The following BHLHE41 variants were observed in gnomAD, a reference collection of about 807,000 sequenced individuals.
The protein encoded by BHLHE41 is basic helix-loop-helix family member e41, also known as class E basic helix-loop-helix protein 41.
A neutral mutation model predicts 24.0 loss-of-function variants in BHLHE41; 14 were observed. That is an observed-to-expected ratio of 0.58 (90% CI 0.39 to 0.91). The LOEUF (loss-of-function observed/expected upper bound fraction) is 0.91. BHLHE41 is among the 40% of genes least tolerant of loss of function. The pLI is 0.00. For missense variants in BHLHE41, 674 were observed against 655.4 expected (o/e 1.03, Z -0.31); for synonymous variants, 394 against 315.5 (o/e 1.25, Z -2.64).
In BHLHE41 at chr12:26,120,996, C is replaced by T. The variant is rs946819251; in HGVS notation, c.*1070G>A. On this transcript the variant is annotated 3_prime_UTR_variant, in exon 5 of 5. Transcript: ENST00000242728. ...TCAAAACTGGCCAGTTAAATGCTTTCGTTCACTTTTGAATTTTAACAGAAT... is the reference window on the plus strand; with the variant it reads ...TCAAAACTGGCCAGTTAAATGCTTTTGTTCACTTTTGAATTTTAACAGAAT... The T allele has an allele frequency of 5.2e-5, 8 of 152,558 alleles. No homozygotes were observed. The highest frequency in any genetic ancestry group is 1.9e-4 in the East Asian group (1 of 5,190). The allele number at this position is 152,558 out of a possible 1,614,324, so 9.5% of individuals were successfully genotyped here.
At position 26,124,702 on chromosome 12, in the gene BHLHE41, G is replaced by A. The variant is rs2137390336; in HGVS notation, c.62+16C>T. Reference sequence around the variant, plus strand: ...CAAAGCCTAGACAGATATTCGCAAGGGTGCGTGCACCTTACCCTATAAAAT... The same window carrying A: ...CAAAGCCTAGACAGATATTCGCAAGAGTGCGTGCACCTTACCCTATAAAAT... On this transcript the variant is annotated intron_variant, in intron 1 of 4. Transcript: ENST00000242728. 6.2e-7 allele frequency: 1 copy of A among 1,614,004 alleles called. No individual in the cohort carries two copies. The highest frequency in any genetic ancestry group is 1.1e-5 in the South Asian group (1 of 91,078).
chr12:26,124,802 C>T lies in BHLHE41; in HGVS notation c.-23G>A. The T allele has an allele frequency of 6.2e-7, 1 of 1,613,932 alleles. No homozygotes were observed. The highest frequency in any genetic ancestry group is 8.5e-7 in the Non-Finnish European group (1 of 1,179,832). ...CATGTTCAACTGCTGTTCGTTTCCT[C>T]TGTTTCGATTTTTGGGGCTCTGTAC... On this transcript the variant is annotated 5_prime_UTR_variant, in exon 1 of 5. Transcript: ENST00000242728.
chr12:26,122,736 GC>G lies in BHLHE41; in HGVS notation c.778del (p.Ala260ArgfsTer21). Reference sequence around the variant, plus strand: ...CTCCTGCTTGATGGTGACGCGGCTCGCCCCCGCGCCTTTGCCTTTCTCGCGG... The same window carrying G: ...CTCCTGCTTGATGGTGACGCGGCTCGCCCCGCGCCTTTGCCTTTCTCGCGG... ...PDREKGKGAGASRVTIKQEPP... is the reference protein window; with the variant it reads ...PDREKGKGAGXSRVTIKQEPP... On this transcript the variant is annotated frameshift_variant, in exon 5 of 5. Transcript: ENST00000242728. LOFTEE classifies it low-confidence loss of function (END_TRUNC). The G allele has an allele frequency of 6.3e-7, 1 of 1,589,670 alleles. No homozygotes were observed.
rs751184193 is a variant in BHLHE41, at chr12:26,124,543, C to T, written c.102G>A (p.Arg34=). 4 of 1,614,116 alleles carry T rather than the reference C, an allele frequency of 2.5e-6. No homozygotes were observed. The highest frequency in any genetic ancestry group is 2.5e-6 in the Non-Finnish European group (3 of 1,180,022). Residue 34 remains arginine, a synonymous_variant, in exon 2 of 5, where the codon AGG becomes AGA. Transcript: ENST00000242728. ...CCTTGGTGTCGTCTCGTTTCATGCT[C>T]CTTTTGGGTTTACACATATACAAAG... ...YSSLYMCKPK[R]SMKRDDTKDT...
intron 2 of BHLHE41, 46 bp from the exon 3 acceptor site, chr12:26,124,225 A>T: frequency 2.4e-6 from 3 of 1,247,316 alleles, no homozygotes; most frequent in Non-Finnish European, 3.5e-6. Context: ...TAAGCGAAAC[A>T]TTCACTTATT....
At position 26,124,570 on chromosome 12, in the gene BHLHE41, G is replaced by T; in HGVS notation, c.75C>A (p.Ser25=). ...TTTTGGGTTTACACATATACAAAGA[G>T]GAATAGTCCAGTCTGCAAAACAGAA... is the stretch of plus-strand genomic sequence containing the variant. ...EHRDFIGLDY[S]SLYMCKPKRS... Residue 25 remains serine, a synonymous_variant, in exon 2 of 5, where the codon TCC becomes TCA. Transcript: ENST00000242728. 3.1e-6 allele frequency: 5 copies of T among 1,614,164 alleles called. No homozygotes were observed. The highest frequency in any genetic ancestry group is 1.3e-5 in the African/African-American group (1 of 75,030).
At position 26,122,081 on chromosome 12, in the gene BHLHE41, T is replaced by A; in HGVS notation, c.1434A>T (p.Gly478=). ...SSAQEDPSQP[G]KEAP is the part of the protein sequence containing the mutation. ...ACGCAAGGATTCAGGGAGCTTCCTT[T>A]CCTGGCTGCGAGGGATCTTCCTGAG... Residue 478 remains glycine, a synonymous_variant, in exon 5 of 5, where the codon GGA becomes GGT. Transcript: ENST00000242728. 6.5e-7 allele frequency: 1 copy of A among 1,549,490 alleles called. No homozygotes were observed. The highest frequency in any genetic ancestry group is 8.7e-7 in the Non-Finnish European group (1 of 1,146,412).
chr12:26,122,714 C>A lies in BHLHE41; in HGVS notation c.801G>T (p.Gln267His), dbSNP rs539462331. ...CCGGCGAGTCCTCCCCGGGAGGCTC[C>A]TGCTTGATGGTGACGCGGCTCGCCC... ...GAGASRVTIK[Q>H]EPPGEDSPAP... Residue 267 changes from glutamine (Q) to histidine (H), a missense_variant, in exon 5 of 5, where the codon CAG becomes CAT. Gln to His is a conservative substitution (Grantham distance 24). Coordinates refer to ENST00000242728, the MANE Select transcript of BHLHE41 (RefSeq NM_030762.3). 3 of 1,586,576 alleles carry A rather than the reference C, an allele frequency of 1.9e-6. No homozygotes were observed. In the African/African-American group the frequency reaches 4.2e-5, roughly 22 times the overall value.
At position 26,122,428 on chromosome 12, in the gene BHLHE41, C is replaced by A; in HGVS notation, c.1087G>T (p.Val363Leu). The A allele has an allele frequency of 7.4e-7, 1 of 1,350,436 alleles. No individual in the cohort carries two copies. The highest frequency in any genetic ancestry group is 9.6e-7 in the Non-Finnish European group (1 of 1,040,764). 83.7% of individuals were successfully genotyped at this position (1,350,436 alleles called of 1,614,324 possible). A position where few individuals can be genotyped will look rare whatever the true frequency, so the allele number is the denominator to read the frequency against. The part of the protein sequence containing the change: ...FLSPSAAAAY[V>L]QPFLDKSGLE... ...CCGCTCTTGTCCAGGAAGGGCTGCA[C>A]GTAGGCGGCAGCTGCAGAAGGCGAG... is the stretch of plus-strand genomic sequence containing the variant. Residue 363 changes from valine to leucine, a missense_variant, in exon 5 of 5, where the codon GTG (valine) becomes TTG (leucine). By Grantham distance (32) the Val-to-Leu change is conservative (BLOSUM62 1). This residue lies in a region of BHLHE41 where 602 missense variants were observed against 570.8 expected (regional missense o/e 1.05). Coordinates refer to ENST00000242728, the MANE Select transcript of BHLHE41 (RefSeq NM_030762.3).
Position 26,124,119 on chromosome 12 carries a change from A to G in BHLHE41, c.187T>C (p.Cys63Arg). 1 of 1,613,280 alleles carries G rather than the reference A, an allele frequency of 6.2e-7. No homozygotes were observed. Among genetic ancestry groups the G allele is most frequent in the Non-Finnish European group, 8.5e-7 (1 of 1,179,260 alleles). Residue 63 changes from cysteine to arginine, a missense_variant, in exon 3 of 5, where the codon TGC becomes CGC. Transcript: ENST00000242728. The part of the protein sequence containing the change: ...EKKRRDRINE[C>R]IAQLKDLLPE... ...AGTAAATCTTTCAGCTGAGCAATGC[A>G]TTCATTAATTCGGTCTCTTCTTTTC...
At position 26,122,272 on chromosome 12, in the gene BHLHE41, G is replaced by C; in HGVS notation, c.1243C>G (p.Leu415Val). The stretch of plus-strand genomic sequence containing the variant: ...GGAGGGGGCGACAACACCGAGGACA[G>C]GCAGGGGAACGCGGCGGCGGCGGCG... ...AAAAAAAFPCLSSVLSPPPEK... is the reference protein window; with the variant it reads ...AAAAAAAFPCVSSVLSPPPEK... The change falls in exon 5 of 5, where the codon CTG becomes GTG. Residue 415 changes from leucine (L) to valine (V), a missense_variant. Physicochemically the swap from Leu to Val is conservative, Grantham distance 32. This residue lies in a region of BHLHE41 where 602 missense variants were observed against 570.8 expected (regional missense o/e 1.05). Transcript: ENST00000242728. The C allele has an allele frequency of 8.2e-7, 1 of 1,215,628 alleles. No individual in the cohort carries two copies. The allele number at this position is 1,215,628 out of a possible 1,614,324, so 75.3% of individuals were successfully genotyped here.
chr12:26,124,827 C>T lies in BHLHE41; in HGVS notation c.-48G>A. The T allele has an allele frequency of 6.3e-7, 1 of 1,592,948 alleles. No homozygotes were observed. The highest frequency in any genetic ancestry group is 8.6e-7 in the Non-Finnish European group (1 of 1,161,306). On this transcript the variant is annotated 5_prime_UTR_variant, in exon 1 of 5. Transcript: ENST00000242728. The stretch of plus-strand genomic sequence containing the variant: ...CTGTTTCGATTTTTGGGGCTCTGTA[C>T]AATAATCTGTGGGACGGTAGGCTTG...
In BHLHE41 at chr12:26,122,450, C is replaced by T; in HGVS notation, c.1065G>A (p.Ser355=). The T allele has an allele frequency of 1.5e-6, 2 of 1,355,094 alleles. No homozygotes were observed. The highest frequency in any genetic ancestry group is 1.9e-6 in the Non-Finnish European group (2 of 1,043,702). The allele number at this position is 1,355,094 out of a possible 1,614,324, so 83.9% of individuals were successfully genotyped here. A position where few individuals can be genotyped will look rare whatever the true frequency, so the allele number is the denominator to read the frequency against. Residue 355 remains serine (S), a synonymous_variant, in exon 5 of 5, where the codon TCG becomes TCA. Coordinates refer to ENST00000242728, the MANE Select transcript of BHLHE41 (RefSeq NM_030762.3). The stretch of plus-strand genomic sequence containing the variant: ...GCACGTAGGCGGCAGCTGCAGAAGG[C>T]GAGAGGAAGCAGAAGGGCAGGCAGA... ...APFCLPFCFL[S]PSAAAAYVQP...
intron 4 of BHLHE41, 92 bp downstream of exon 4, chr12:26,123,538 G>A (rs185157631): frequency 2.3e-5 from 21 of 904,582 alleles, no homozygotes; most frequent in Non-Finnish European, 3.7e-5. Flanking sequence ...CCCACGGAAA[G>A]AGATGGGGTG....
intron 3 of BHLHE41, 104 bp downstream of exon 3, chr12:26,123,968 A>G (rs1047157797): frequency 2.2e-6 from 2 of 908,822 alleles, no homozygotes; most frequent in Non-Finnish European, 3.5e-6. Context: ...ACAAGTTTTA[A>G]GTCAGGAACT....
In BHLHE41 at chr12:26,121,288, G is replaced by A. The variant is rs753529203; in HGVS notation, c.*778C>T. 12 of 152,594 alleles carry A rather than the reference G, an allele frequency of 7.9e-5. No homozygotes were observed. Among genetic ancestry groups the A allele is most frequent in the Non-Finnish European group, 1.3e-4 (9 of 68,030 alleles). The allele number at this position is 152,594 out of a possible 1,614,324, so 9.5% of individuals were successfully genotyped here. On this transcript the variant is annotated 3_prime_UTR_variant, in exon 5 of 5. Coordinates refer to ENST00000242728, the MANE Select transcript of BHLHE41 (RefSeq NM_030762.3). ...AATTCATGGTCAATTTCTCAATAAA[G>A]TGTTAGCAAATGTACTAGGAATGAT...
chr12:26,124,757 A>C lies in BHLHE41; in HGVS notation c.23T>G (p.Leu8Trp). MDEGIPH[L>W]QERQLLEHRD... is the part of the protein sequence containing the mutation. ...ATGTTCCAGTAACTGTCTCTCTTGC[A>C]AATGAGGAATTCCTTCGTCCATGTT... The change falls in exon 1 of 5, where the codon TTG becomes TGG. Residue 8 changes from leucine (L) to tryptophan (W), a missense_variant. Physicochemically the swap from Leu to Trp is moderately conservative, Grantham distance 61 (BLOSUM62 -2). Around this residue, in one of 3 missense-constraint regions of BHLHE41, gnomAD observed 67 missense variants for 62.4 expected, o/e 1.07. Transcript: ENST00000242728. 1.2e-6 allele frequency: 2 copies of C among 1,614,238 alleles called. No individual in the cohort carries two copies. Among genetic ancestry groups the C allele is most frequent in the Non-Finnish European group, 1.7e-6 (2 of 1,180,038 alleles).
rs1944349931 is a variant in BHLHE41 at position 26,124,895 on chromosome 12, C to T, written c.-116G>A. Reference sequence around the variant, plus strand: ...CTGTGCGTCTCCAGTCTCTCTCTCGCTCTCCCTCTTCAGTGCAGTGTTGAA... The same window carrying T: ...CTGTGCGTCTCCAGTCTCTCTCTCGTTCTCCCTCTTCAGTGCAGTGTTGAA... On this transcript the variant is annotated 5_prime_UTR_variant, in exon 1 of 5. Transcript: ENST00000242728. 8.6e-6 allele frequency: 9 copies of T among 1,043,346 alleles called. No homozygotes were observed. The highest frequency in any genetic ancestry group is 1.3e-5 in the South Asian group (1 of 79,338). 64.6% of individuals were successfully genotyped at this position (1,043,346 alleles called of 1,614,324 possible).
chr12:26,121,817 C>T lies in BHLHE41; in HGVS notation c.*249G>A. ...AGTGTCTTTCGCATAGGATCTTTTA[C>T]AGCTGGTGGGGGGAAGAAAGGGATG... On this transcript the variant is annotated 3_prime_UTR_variant, in exon 5 of 5. Transcript: ENST00000242728. The T allele has an allele frequency of 1.2e-6, 1 of 868,978 alleles. No individual in the cohort carries two copies. Among genetic ancestry groups the T allele is most frequent in the Non-Finnish European group, 1.6e-6 (1 of 621,202 alleles). The allele number at this position is 868,978 out of a possible 1,614,324, so 53.8% of individuals were successfully genotyped here.
Sources: allele counts gnomAD v4.1 joint callset, GRCh38; gene constraint gnomAD v4.1.1; regional missense constraint gnomAD v4.1.1; transcripts MANE v1.5; gene names NCBI Gene and HGNC (gene_info 2026-07-23, HGNC 2026-07-21).